CUBN: variants seen among roughly 807,000 people sequenced by gnomAD.
CUBN encodes the protein cubilin, also known as 460 kDa receptor.
CUBN carries 282 observed loss-of-function variants against 405.3 expected under a neutral mutation model. The ratio of observed to expected loss-of-function variants is 0.70; its 90% CI spans 0.63 to 0.77. The LOEUF (loss-of-function observed/expected upper bound fraction) is 0.77. CUBN is among the 30% of genes least tolerant of loss of function. The pLI is 0.00. For synonymous variants in CUBN, 1,684 were observed against 1,617.0 expected (o/e 1.04, Z -0.99); for missense variants, 4,514 against 4,475.2 (o/e 1.01, Z -0.25).
intron 65 of CUBN, among the ~76,000 whole-genome samples, chr10:16,830,149 T>C (rs1234014005): frequency 6.6e-6 from 1 of 152,200 alleles, no homozygotes; most frequent in Non-Finnish European, 1.5e-5. Context: ...TGGGCCACAC[T>C]GGTCTGGAAC....
chr10:16,893,317 T>C (rs74716410), intron 54 of CUBN, among the ~76,000 whole-genome samples: 3,816 of 152,326 alleles, frequency 0.025, 65 homozygotes, highest in Non-Finnish European at 0.04. Context: ...CTTGCAAAAC[T>C]GTAGTATACT....
intron 31 of CUBN, among the ~76,000 whole-genome samples, chr10:16,955,408 A>G (rs1240895344): frequency 3.3e-5 from 5 of 150,802 alleles, no homozygotes; most frequent in East Asian, 3.9e-4. Flanking sequence ...AAAAAGGAAA[A>G]GAAAATTACC....
chr10:17,078,920 C>G (rs577857390), intron 17 of CUBN, among the ~76,000 whole-genome samples: 62 of 152,288 alleles, frequency 4.1e-4, no homozygotes, highest in African/African-American at 1.4e-3. Flanking sequence ...CTACATCACG[C>G]ATGTTCAATG....
At chr10:16,908,350 G>A (rs557469316) in intron 48 of CUBN, among the ~76,000 whole-genome samples, 32 of 152,148 alleles carry the variant, frequency 2.1e-4, no homozygotes, top group Admixed American at 2.0e-3. Context: ...TCACCATGTT[G>A]GTCAGGCTGG....
chr10:17,095,022 T>C (rs1836342093), intron 14 of CUBN, among the ~76,000 whole-genome samples: 1 of 152,000 alleles, frequency 6.6e-6, no homozygotes, highest in African/African-American at 2.4e-5. Context: ...AAAACTGTAG[T>C]AATCAAAACA....
At chr10:16,878,529 TAAGTTTTCAG>T (rs1336390289) in intron 56 of CUBN, among the ~76,000 whole-genome samples, 3 of 152,200 alleles carry the variant, frequency 2.0e-5, no homozygotes, top group African/African-American at 7.2e-5. Flanking sequence ...TTCATCAGAA[TAAGTTTTCAG>T]AAGTTAGATA....
At chr10:16,994,389 A>C (rs991584771) in intron 28 of CUBN, among the ~76,000 whole-genome samples, 6 of 152,224 alleles carry the variant, frequency 3.9e-5, no homozygotes, top group African/African-American at 1.4e-4. Context: ...AATTTCAATA[A>C]GTTTTTATTT....
intron 28 of CUBN, among the ~76,000 whole-genome samples, chr10:17,008,458 G>T (rs1192202836): frequency 6.8e-6 from 1 of 147,606 alleles, no homozygotes. Context: ...GTGTGTGTGT[G>T]TGTGTGCGCG....
chr10:16,904,142 A>G (rs1266428719), intron 50 of CUBN, 27 bp from the exon 51 acceptor site: 1 of 1,610,404 alleles, frequency 6.2e-7, no homozygotes, highest in Non-Finnish European at 8.5e-7. Flanking sequence ...ACCAAGTGCC[A>G]TCATTGATAC....
intron 4 of CUBN, among the ~76,000 whole-genome samples, chr10:17,125,164 G>T (rs976274520): frequency 6.6e-6 from 1 of 151,768 alleles, no homozygotes; most frequent in Admixed American, 6.6e-5. Context: ...TAAAATAGGG[G>T]CAAACTGTTG....
At chr10:16,880,224 T>C (rs1228465953) in intron 56 of CUBN, among the ~76,000 whole-genome samples, 1 of 152,182 alleles carries the variant, frequency 6.6e-6, no homozygotes, top group African/African-American at 2.4e-5. Flanking sequence ...TTTTCATGAT[T>C]AGAGTCACTG....
chr10:16,964,201 C>T (rs1843322672), intron 31 of CUBN, among the ~76,000 whole-genome samples: 1 of 151,914 alleles, frequency 6.6e-6, no homozygotes, highest in Admixed American at 6.6e-5. Flanking sequence ...AAAAGAAAAG[C>T]TATATAAAGG....
At chr10:16,848,051 G>C (rs773059151) in intron 60 of CUBN, among the ~76,000 whole-genome samples, 2 of 152,208 alleles carry the variant, frequency 1.3e-5, no homozygotes, top group East Asian at 1.9e-4. Flanking sequence ...TTTTCCAAGG[G>C]GGAAAACAAG....
chr10:17,127,027 A>G (rs982555911), intron 3 of CUBN, among the ~76,000 whole-genome samples: 1 of 151,872 alleles, frequency 6.6e-6, no homozygotes, highest in African/African-American at 2.4e-5. Flanking sequence ...TTTTTAAAGT[A>G]CAACCCACTG....
In CUBN at chr10:17,114,194, C is replaced by T; in HGVS notation, c.721-5G>A. ...ACAGACGCAGCTGTACTTGGGCTGG[C>T]AGGATGACAACAGCGTGAATAAAGA... On this transcript the variant is annotated splice_polypyrimidine_tract_variant and splice_region_variant and intron_variant, in intron 7 of 66. Coordinates refer to ENST00000377833, the MANE Select transcript of CUBN (RefSeq NM_001081.4). The T allele has an allele frequency of 1.2e-6, 2 of 1,613,574 alleles. No individual in the cohort carries two copies. The highest frequency in any genetic ancestry group is 1.1e-5 in the South Asian group (1 of 90,878).
intron 66 of CUBN, among the ~76,000 whole-genome samples, chr10:16,827,067 T>G (rs1838806027): frequency 6.6e-6 from 1 of 152,194 alleles, no homozygotes; most frequent in Admixed American, 6.5e-5. Context: ...CAGTGTCTGC[T>G]GGTCCTGTGA....
At chr10:16,924,282 A>G (rs1455551434) in intron 43 of CUBN, among the ~76,000 whole-genome samples, 2 of 152,170 alleles carry the variant, frequency 1.3e-5, no homozygotes, top group African/African-American at 4.8e-5. Context: ...CTTAGAAAGC[A>G]ATGGCGCGGG....
chr10:17,052,417 A>T (rs1292331879), intron 22 of CUBN, among the ~76,000 whole-genome samples: 1 of 152,134 alleles, frequency 6.6e-6, no homozygotes, highest in Non-Finnish European at 1.5e-5. Flanking sequence ...CTTAAAAGAG[A>T]ATTAGTGATT....
intron 28 of CUBN, among the ~76,000 whole-genome samples, chr10:17,005,454 T>A (rs1319072650): frequency 6.6e-6 from 1 of 152,222 alleles, no homozygotes; most frequent in African/African-American, 2.4e-5. Context: ...ACTGCCCCAA[T>A]GGAGAATGCA....
Sources: allele counts gnomAD v4.1 joint callset (sites outside exome capture counted in the v4.1 genomes callset), GRCh38; gene constraint gnomAD v4.1.1; transcripts MANE v1.5; gene names NCBI Gene and HGNC (gene_info 2026-07-23, HGNC 2026-07-21).